Variants in SAMD3 observed in about 807,000 individuals in gnomAD.
The protein encoded by SAMD3 is sterile alpha motif domain containing 3.
In SAMD3, 63 loss-of-function variants were observed where a neutral mutation model predicts 58.5. The ratio of observed to expected loss-of-function variants is 1.08; its 90% CI spans 0.88 to 1.33. The LOEUF is 1.33. Among genes scored for constraint, SAMD3 ranks in the 40% most tolerant of loss-of-function variants. The probability of loss-of-function intolerance (pLI) is 0.00; values close to 1 mark genes in which losing one functional copy is unlikely to be tolerated. For synonymous variants in SAMD3, 220 were observed against 210.3 expected (o/e 1.05, Z -0.40); for missense variants, 604 against 608.4 (o/e 0.99, Z 0.08).
intron 1 of SAMD3, among the ~76,000 whole-genome samples, chr6:130,347,130 A>G (rs944839656): frequency 2.0e-5 from 3 of 152,216 alleles, no homozygotes; most frequent in Non-Finnish European, 4.4e-5. Context: ...AAGATGGGGA[A>G]AAAACAGAGC....
intron 2 of SAMD3, among the ~76,000 whole-genome samples, chr6:130,288,136 A>G (rs1419451919): frequency 6.6e-6 from 1 of 152,232 alleles, no homozygotes; most frequent in African/African-American, 2.4e-5. Flanking sequence ...TATGAGTCAG[A>G]GTACTCTAGA....
chr6:130,209,205 T>C (rs778771822), intron 5 of SAMD3, among the ~76,000 whole-genome samples: 26 of 152,248 alleles, frequency 1.7e-4, no homozygotes, highest in Non-Finnish European at 3.2e-4. Context: ...TTGTGACTGC[T>C]GCCAATCACC....
intron 1 of SAMD3, among the ~76,000 whole-genome samples, chr6:130,349,456 G>A (rs2115033672): frequency 6.6e-6 from 1 of 152,322 alleles, no homozygotes; most frequent in East Asian, 1.9e-4. Flanking sequence ...AGACCTCTAT[G>A]CAAATAAACT....
At chr6:130,196,357 G>A (rs1794110303) in intron 5 of SAMD3, among the ~76,000 whole-genome samples, 1 of 152,026 alleles carries the variant, frequency 6.6e-6, no homozygotes, top group African/African-American at 2.4e-5. Flanking sequence ...AATTATCATT[G>A]TTCCTGGCCC....
At chr6:130,290,949 T>A (rs1775341106) in intron 2 of SAMD3, among the ~76,000 whole-genome samples, 2 of 152,344 alleles carry the variant, frequency 1.3e-5, no homozygotes, top group Middle Eastern at 6.8e-3. Flanking sequence ...AGGACAGCAG[T>A]CAGTCATCCT....
chr6:130,327,524 CTT>C (rs1347139328), intron 1 of SAMD3, among the ~76,000 whole-genome samples: 1 of 152,090 alleles, frequency 6.6e-6, no homozygotes, highest in African/African-American at 2.4e-5. Context: ...CCAGACAACT[CTT>C]TAAATAAAAA....
At position 130,214,498 on chromosome 6, in the gene SAMD3, A is replaced by C. The variant is rs1198798824; in HGVS notation, c.108T>G (p.Leu36=). The C allele has an allele frequency of 6.2e-6, 10 of 1,606,980 alleles. No individual in the cohort carries two copies. The highest frequency in any genetic ancestry group is 8.5e-6 in the Non-Finnish European group (10 of 1,177,056). The change falls in exon 4 of 12, where the codon CTT becomes CTG. Residue 36 remains leucine, a synonymous_variant. Coordinates refer to ENST00000439090, the MANE Select transcript of SAMD3 (RefSeq NM_001017373.4). The part of the protein sequence containing the change: ...QEEEVSGAAL[L]ALNDRMVQQL... ...GCTGAACCATCCGATCATTAAGTGCAAGAAGAGCGGCCCCACTTACTTCTT... is the reference window on the plus strand; with the variant it reads ...GCTGAACCATCCGATCATTAAGTGCCAGAAGAGCGGCCCCACTTACTTCTT...
At chr6:130,191,892 C>A (rs531150338) in intron 5 of SAMD3, among the ~76,000 whole-genome samples, 1 of 152,214 alleles carries the variant, frequency 6.6e-6, no homozygotes, top group Non-Finnish European at 1.5e-5. Context: ...ATTCTCAGAT[C>A]CAGTCCAGAC....
chr6:130,316,400 G>C (rs1776372592), intron 1 of SAMD3, among the ~76,000 whole-genome samples: 1 of 151,724 alleles, frequency 6.6e-6, no homozygotes, highest in Non-Finnish European at 1.5e-5. Flanking sequence ...GAAAACTTGA[G>C]TACATTGCTA....
intron 2 of SAMD3, chr6:130,215,549 T>C (rs1795955583): frequency 7.5e-7 from 1 of 1,330,482 alleles, no homozygotes; most frequent in Non-Finnish European, 9.6e-7. Context: ...CCTACTTTTT[T>C]TCCACAGGCA....
chr6:130,277,092 C>G (rs12193492), intron 2 of SAMD3, among the ~76,000 whole-genome samples: 1 of 151,978 alleles, frequency 6.6e-6, no homozygotes, highest in Non-Finnish European at 1.5e-5. Context: ...CTTATGGCCA[C>G]ATGATTCCTG....
At chr6:130,205,000 A>G (rs1437014072) in intron 5 of SAMD3, among the ~76,000 whole-genome samples, 1 of 151,808 alleles carries the variant, frequency 6.6e-6, no homozygotes, top group Non-Finnish European at 1.5e-5. Context: ...CAGGATTTGA[A>G]CCCAATGTGT....
chr6:130,235,631 A>G (rs1375530805), intron 2 of SAMD3, among the ~76,000 whole-genome samples: 2 of 152,210 alleles, frequency 1.3e-5, no homozygotes, highest in African/African-American at 4.8e-5. Context: ...CTCAAATTTT[A>G]GGTAAAAAGA....
At chr6:130,256,792 C>T (rs555406037) in intron 2 of SAMD3, among the ~76,000 whole-genome samples, 1 of 152,312 alleles carries the variant, frequency 6.6e-6, no homozygotes, top group East Asian at 1.9e-4. Context: ...GATGTTCCAG[C>T]TTAACCAGAT....
intron 2 of SAMD3, among the ~76,000 whole-genome samples, chr6:130,256,283 T>G (rs1236995580): frequency 6.6e-6 from 1 of 152,024 alleles, no homozygotes; most frequent in Non-Finnish European, 1.5e-5. Context: ...TCAGATTCTC[T>G]TCTGCAACTA....
chr6:130,326,036 T>G (rs1776747808), intron 1 of SAMD3, among the ~76,000 whole-genome samples: 1 of 152,228 alleles, frequency 6.6e-6, no homozygotes, highest in South Asian at 2.1e-4. Context: ...ATATTGAGCA[T>G]AGTCCTTAAA....
intron 2 of SAMD3, among the ~76,000 whole-genome samples, chr6:130,285,049 TTA>T (rs1308382242): frequency 6.6e-6 from 1 of 152,196 alleles, no homozygotes; most frequent in African/African-American, 2.4e-5. Context: ...TGAGACTGAT[TTA>T]TACATTCAGT....
At chr6:130,327,822 A>G (rs994734854) in intron 1 of SAMD3, among the ~76,000 whole-genome samples, 1 of 152,248 alleles carries the variant, frequency 6.6e-6, no homozygotes, top group Non-Finnish European at 1.5e-5. Flanking sequence ...AAGTGACTAC[A>G]ATACCCATAT....
chr6:130,306,151 T>C (rs1358460934), intron 2 of SAMD3, among the ~76,000 whole-genome samples: 3 of 152,238 alleles, frequency 2.0e-5, no homozygotes, highest in African/African-American at 7.2e-5. Context: ...GTAGGGAGTG[T>C]ACAAACATTC....
Sources: gnomAD v4.1 joint callset for allele counts (sites outside exome capture counted in the v4.1 genomes callset) on GRCh38, gnomAD v4.1.1 for gene constraint, MANE v1.5 for transcripts, NCBI Gene and HGNC (gene_info 2026-07-23, HGNC 2026-07-21) for gene names.